The following DGKD variants were observed in gnomAD, a reference collection of about 807,000 sequenced individuals.
The protein encoded by DGKD is DAG kinase delta.
In DGKD, 68 loss-of-function variants were observed where a neutral mutation model predicts 154.4. The ratio of observed to expected loss-of-function variants is 0.44; its 90% confidence interval spans 0.36 to 0.54. The LOEUF (loss-of-function observed/expected upper bound fraction) is 0.54. Ranked by LOEUF, DGKD falls within the 20% of genes least tolerant of loss-of-function variation. The probability of loss-of-function intolerance (pLI) is 0.00; values close to 1 mark genes in which losing one functional copy is unlikely to be tolerated. For missense variants in DGKD, 1,343 were observed against 1,593.6 expected, an observed-to-expected ratio of 0.84 and a Z score of 2.68; for synonymous variants, 693 against 638.0, an observed-to-expected ratio of 1.09 and a Z score of -1.30.
In DGKD at chr2:233,354,915, GGCGCCCCGGGCGCC is replaced by G. The variant is rs1158077998; in HGVS notation, c.156+246_156+259del. The stretch of plus-strand genomic sequence containing the variant: ...GGGCCGGGCGGGGGGCGCGCAGGTG[GGCGCCCCGGGCGCC>G]GCGCGCTGGGCGGGGGGCGCGCGCC... On this transcript the variant is annotated intron_variant, in intron 1 of 29. Transcript: ENST00000264057. The surrounding 1 kb of genome is among the most constrained non-coding windows in gnomAD (Gnocchi z 4.8). Among the ~76,000 whole-genome samples the G allele has an allele frequency of 6.9e-6, 1 of 145,526 alleles. No individual in the cohort carries two copies. Among genetic ancestry groups the G allele is most frequent in the African/African-American group, 2.5e-5 (1 of 40,328 alleles).
intron 2 of DGKD, among the ~76,000 whole-genome samples, chr2:233,389,588 A>AC (rs1559493652): frequency 6.7e-6 from 1 of 149,074 alleles, no homozygotes. Context: ...AAAAAAAAAA[A>AC]CACGACAAAA....
rs2062735840 is a variant in DGKD at position 233,437,427 on chromosome 2, G to T, written c.870G>T (p.Leu290=). Residue 290 remains leucine (L), a synonymous_variant, in exon 8 of 30, where the codon CTG becomes CTT. Transcript: ENST00000264057. ...ESLLTKCPLG[L]CKVSVIPPTA... ...TGCTGACCAAGTGCCCACTTGGCCT[G>T]TGCAAAGTGTCAGTCATCCCACCCA... 1 of 1,614,232 alleles carries T rather than the reference G, an allele frequency of 6.2e-7. No homozygotes were observed. The highest frequency in any genetic ancestry group is 8.5e-7 in the Non-Finnish European group (1 of 1,180,046).
intron 1 of DGKD, among the ~76,000 whole-genome samples, chr2:233,384,362 C>A (rs1340903118): frequency 6.6e-6 from 1 of 152,154 alleles, no homozygotes; most frequent in Non-Finnish European, 1.5e-5. Context: ...GGCTTTCCTT[C>A]CTTGGTATTG....
intron 3 of DGKD, among the ~76,000 whole-genome samples, chr2:233,398,738 C>T (rs2061485013): frequency 6.6e-6 from 1 of 152,188 alleles, no homozygotes; most frequent in East Asian, 1.9e-4. Flanking sequence ...GATTCTTGTG[C>T]CTCAGCCTTC....
chr2:233,463,276 GC>G (rs2063709941), intron 26 of DGKD, among the ~76,000 whole-genome samples: 1 of 151,858 alleles, frequency 6.6e-6, no homozygotes, highest in Non-Finnish European at 1.5e-5. Context: ...CTCACTGCAC[GC>G]GTCTCCTCAC....
At chr2:233,409,803 T>G (rs1450931511) in intron 3 of DGKD, among the ~76,000 whole-genome samples, 5 of 144,594 alleles carry the variant, frequency 3.5e-5, no homozygotes, top group African/African-American at 7.8e-5. Context: ...TTTTTTTTTT[T>G]TTTTTTTTTT....
rs142406958 is a variant in DGKD at position 233,442,912 on chromosome 2, C to T, written c.1194+917C>T. On this transcript the variant is annotated intron_variant, in intron 10 of 29. Transcript: ENST00000264057. Reference sequence around the variant, plus strand: ...AGCCACCGCGCCCGGCCTGTTACTGCTTTTAAAAAACCACTAATTAAGATG... The same window carrying T: ...AGCCACCGCGCCCGGCCTGTTACTGTTTTTAAAAAACCACTAATTAAGATG... 6.3e-3 allele frequency among the ~76,000 whole-genome samples: 961 copies of T among 151,826 alleles called. 7 individuals are homozygous for T. The highest frequency in any genetic ancestry group is 0.022 in the African/African-American group (909 of 41,314).
intron 1 of DGKD, among the ~76,000 whole-genome samples, chr2:233,369,018 G>T (rs1401289797): frequency 1.3e-5 from 2 of 152,222 alleles, no homozygotes; most frequent in Non-Finnish European, 2.9e-5. Context: ...AGGCTGGCAG[G>T]TCTTTGTTTT....
At chr2:233,370,850 C>T (rs1435344111) in intron 1 of DGKD, among the ~76,000 whole-genome samples, 1 of 151,986 alleles carries the variant, frequency 6.6e-6, no homozygotes, top group Non-Finnish European at 1.5e-5. Context: ...ATCTTGGGCT[C>T]AAGCAGTCCT....
chr2:233,446,369 C>T (rs2063071034), intron 11 of DGKD, among the ~76,000 whole-genome samples: 1 of 152,226 alleles, frequency 6.6e-6, no homozygotes, highest in African/African-American at 2.4e-5. Context: ...CCTCTGTGTG[C>T]CTTGGGGCCT....
rs145184945 is a variant in DGKD at position 233,449,613 on chromosome 2, T to A, written c.1888+237T>A. On this transcript the variant is annotated intron_variant, in intron 15 of 29. Coordinates refer to ENST00000264057, the MANE Select transcript of DGKD (RefSeq NM_152879.3). The surrounding 1 kb of genome is among the most constrained non-coding windows in gnomAD (Gnocchi z 5.3). ...CCCTCGACCTCTTTCCTGGCCCTCA[T>A]TGACTTCACTATAAGCGTCTCACTC... 4.1e-4 allele frequency among the ~76,000 whole-genome samples: 63 copies of A among 152,276 alleles called. 1 individual carries two copies. The East Asian group carries it at 0.012, about 29-fold the overall frequency.
At chr2:233,368,168 A>T (rs73106640) in intron 1 of DGKD, among the ~76,000 whole-genome samples, 2,255 of 151,976 alleles carry the variant, frequency 0.015, 55 homozygotes, top group African/African-American at 0.051. Flanking sequence ...TGCCACCCCC[A>T]TTGTGTCATT....
At chr2:233,427,251 T>A (rs1052848286) in intron 3 of DGKD, among the ~76,000 whole-genome samples, 2 of 152,054 alleles carry the variant, frequency 1.3e-5, no homozygotes, top group Non-Finnish European at 2.9e-5. Flanking sequence ...TTCTGCTCCT[T>A]CTCTTGGTGG....
At chr2:233,460,525 C>T (rs138688019) in intron 24 of DGKD, among the ~76,000 whole-genome samples, 180 bp downstream of exon 24, 166 of 152,318 alleles carry the variant, frequency 1.1e-3, no homozygotes, top group African/African-American at 3.7e-3. Context: ...AGTGGTCTTT[C>T]AGAACTCGCC....
At chr2:233,454,518 G>A in intron 18 of DGKD, 1 of 502,238 alleles carries the variant, frequency 2.0e-6, no homozygotes, top group South Asian at 1.7e-5. Context: ...TCTCTTTAGG[G>A]GGATGAAATG....
At chr2:233,372,477 A>G (rs1039745220) in intron 1 of DGKD, among the ~76,000 whole-genome samples, 2 of 152,120 alleles carry the variant, frequency 1.3e-5, no homozygotes, top group Non-Finnish European at 2.9e-5. Flanking sequence ...GAAGCTGGGC[A>G]GAAGGGAAGT....
At chr2:233,360,346 G>T (rs1208622444) in intron 1 of DGKD, among the ~76,000 whole-genome samples, 1 of 152,128 alleles carries the variant, frequency 6.6e-6, no homozygotes, top group Non-Finnish European at 1.5e-5. Context: ...CTCTGGCTGG[G>T]CTCAGGCAAT....
At chr2:233,376,500 A>G (rs575660617) in intron 1 of DGKD, among the ~76,000 whole-genome samples, 1 of 152,090 alleles carries the variant, frequency 6.6e-6, no homozygotes, top group African/African-American at 2.4e-5. Context: ...CTCCATAAAT[A>G]CTGATTATTT....
chr2:233,463,426 G>A (rs1233056834), intron 26 of DGKD, among the ~76,000 whole-genome samples: 64 of 126,354 alleles, frequency 5.1e-4, no homozygotes, highest in African/African-American at 1.9e-3. Flanking sequence ...CTCACTCCAC[G>A]CATCTCCTCA....
Sources: allele counts gnomAD v4.1 joint callset (sites outside exome capture counted in the v4.1 genomes callset), GRCh38; gene constraint gnomAD v4.1.1; non-coding constraint Gnocchi (gnomAD v3.1); transcripts MANE v1.5; gene names NCBI Gene and HGNC (gene_info 2026-07-23, HGNC 2026-07-21).